Variants in TMEM178B observed in about 807,000 individuals in gnomAD.
The protein encoded by TMEM178B is transmembrane protein 178B.
Under a neutral mutation model 31.0 loss-of-function variants are expected in TMEM178B, and 5 were observed. The ratio of observed to expected loss-of-function variants is 0.16; its 90% CI spans 0.08 to 0.34. The LOEUF (loss-of-function observed/expected upper bound fraction) is 0.34. Among genes scored for constraint, TMEM178B ranks in the 10% least tolerant of loss-of-function variants. TMEM178B has a pLI of 1.00. For missense variants in TMEM178B, 275 were observed against 400.3 expected (o/e 0.69, Z 2.67); for synonymous variants, 164 against 164.0 (o/e 1.00, Z 0.00).
At chr7:141,101,758 A>G (rs2129173899) in intron 1 of TMEM178B, among the ~76,000 whole-genome samples, 1 of 152,310 alleles carries the variant, frequency 6.6e-6, no homozygotes, top group East Asian at 1.9e-4. Context: ...GCCTATTACT[A>G]AAAATTACAT....
chr7:141,411,750 C>T (rs1436727450), intron 2 of TMEM178B, among the ~76,000 whole-genome samples: 2 of 152,184 alleles, frequency 1.3e-5, no homozygotes, highest in East Asian at 1.9e-4. Flanking sequence ...AGCGCAAACT[C>T]GCTAATTGAA....
chr7:141,111,890 A>T (rs1373047600), intron 1 of TMEM178B, among the ~76,000 whole-genome samples: 1 of 152,208 alleles, frequency 6.6e-6, no homozygotes. Context: ...CAATATTTTC[A>T]TTCTGATTAT....
intron 1 of TMEM178B, among the ~76,000 whole-genome samples, chr7:141,134,848 G>GT (rs2129178222): frequency 6.6e-6 from 1 of 152,300 alleles, no homozygotes; most frequent in South Asian, 2.1e-4. Context: ...TGCTGATATG[G>GT]TTTTGTTCTG....
intron 1 of TMEM178B, among the ~76,000 whole-genome samples, chr7:141,111,696 T>C (rs1795237173): frequency 6.6e-6 from 1 of 152,154 alleles, no homozygotes; most frequent in Non-Finnish European, 1.5e-5. Flanking sequence ...TAATTCTGGA[T>C]GAAGAAATAA....
At chr7:141,402,108 G>A (rs1311587615) in intron 2 of TMEM178B, among the ~76,000 whole-genome samples, 3 of 152,136 alleles carry the variant, frequency 2.0e-5, no homozygotes, top group Non-Finnish European at 4.4e-5. Context: ...ACAAAGAAGG[G>A]TGAGCAACAG....
rs112922539 is a variant in TMEM178B, at chr7:141,282,537, G to A, written c.496+69833G>A. Among the ~76,000 whole-genome samples the A allele has an allele frequency of 5.5e-3, 834 of 152,338 alleles. 6 individuals are homozygous for A. The highest frequency in any genetic ancestry group is 0.019 in the African/African-American group (789 of 41,576). Reference sequence around the variant, plus strand: ...TGAAGAACAACTTTGAAGAGGCAATGCCTGATAAATCTGGAATAGGGGAGA... The same window carrying A: ...TGAAGAACAACTTTGAAGAGGCAATACCTGATAAATCTGGAATAGGGGAGA... On this transcript the variant is annotated intron_variant, in intron 2 of 3. Transcript: ENST00000565468.
chr7:141,478,998 T>G lies in TMEM178B; in HGVS notation c.*8212T>G, dbSNP rs1802424129. 6.6e-6 allele frequency: 1 copy of G among 152,280 alleles called. No homozygotes were observed. The highest frequency in any genetic ancestry group is 6.5e-5 in the Admixed American group (1 of 15,290). 9.4% of individuals were successfully genotyped at this position (152,280 alleles called of 1,614,324 possible). A position where few individuals can be genotyped will look rare whatever the true frequency, so the allele number is the denominator to read the frequency against. Reference sequence around the variant, plus strand: ...TGGAAGTTCTGCTTCACCTGCTTAGTAAGAGGAGATGACCACTCCTGTGGA... The same window carrying G: ...TGGAAGTTCTGCTTCACCTGCTTAGGAAGAGGAGATGACCACTCCTGTGGA... On this transcript the variant is annotated 3_prime_UTR_variant, in exon 4 of 4. Coordinates refer to ENST00000565468, the MANE Select transcript of TMEM178B (RefSeq NM_001195278.2).
At chr7:141,156,511 G>A (rs796662103) in intron 1 of TMEM178B, among the ~76,000 whole-genome samples, 6 of 152,250 alleles carry the variant, frequency 3.9e-5, no homozygotes, top group African/African-American at 1.4e-4. Flanking sequence ...ACATTTCTTA[G>A]GTACAAAAGA....
chr7:141,083,179 A>C (rs1794715146), intron 1 of TMEM178B, among the ~76,000 whole-genome samples: 1 of 152,198 alleles, frequency 6.6e-6, no homozygotes, highest in Admixed American at 6.5e-5. Context: ...TTTGTAACTT[A>C]CTACTCCCAA....
At chr7:141,374,794 A>G (rs1800183421) in intron 2 of TMEM178B, among the ~76,000 whole-genome samples, 1 of 152,224 alleles carries the variant, frequency 6.6e-6, no homozygotes, top group African/African-American at 2.4e-5. Context: ...TTTGAACTAA[A>G]TTTGTGAAAA....
chr7:141,471,605 T>C lies in TMEM178B; in HGVS notation c.*819T>C, dbSNP rs1331068893. On this transcript the variant is annotated 3_prime_UTR_variant, in exon 4 of 4. Transcript: ENST00000565468. The surrounding 1 kb of genome is among the most constrained non-coding windows in gnomAD (Gnocchi z 4.1). ...GCATGTGTACTTTGGGCGGTTTCCT[T>C]TTTTTCTTTTCTACCTTTTAAATGG... 1 of 151,928 alleles carries C rather than the reference T, an allele frequency of 6.6e-6. No individual in the cohort carries two copies. The highest frequency in any genetic ancestry group is 1.5e-5 in the Non-Finnish European group (1 of 68,050). 9.4% of individuals were successfully genotyped at this position (151,928 alleles called of 1,614,324 possible).
intron 2 of TMEM178B, among the ~76,000 whole-genome samples, chr7:141,233,815 A>T (rs2129192091): frequency 6.6e-6 from 1 of 152,352 alleles, no homozygotes; most frequent in East Asian, 1.9e-4. Context: ...TTCATTGTGC[A>T]TCTGTCCCTA....
chr7:141,381,092 A>G (rs1446848170), intron 2 of TMEM178B, among the ~76,000 whole-genome samples: 1 of 152,198 alleles, frequency 6.6e-6, no homozygotes. Context: ...ACTGCAGAGG[A>G]GTGAGGTGAG....
At chr7:141,123,979 T>C (rs1356663155) in intron 1 of TMEM178B, among the ~76,000 whole-genome samples, 2 of 152,084 alleles carry the variant, frequency 1.3e-5, no homozygotes, top group African/African-American at 4.8e-5. Context: ...GGTCTCAAAC[T>C]TCTGGGCTTA....
intron 1 of TMEM178B, among the ~76,000 whole-genome samples, chr7:141,081,195 A>G (rs530354725): frequency 1.3e-5 from 2 of 152,110 alleles, no homozygotes; most frequent in Non-Finnish European, 2.9e-5. Context: ...TAAAATGTGG[A>G]GGTGGAAGAC....
intron 2 of TMEM178B, among the ~76,000 whole-genome samples, chr7:141,226,905 T>C (rs1797352815): frequency 6.6e-6 from 1 of 151,898 alleles, no homozygotes; most frequent in African/African-American, 2.4e-5. Context: ...CTAGTTCCGT[T>C]TTGATCCCTC....
intron 2 of TMEM178B, among the ~76,000 whole-genome samples, chr7:141,260,318 TCTC>T (rs1407143882): frequency 1.3e-5 from 2 of 152,346 alleles, no homozygotes; most frequent in East Asian, 3.9e-4. Context: ...GGTGGGAACA[TCTC>T]CTAAGCTAAA....
At chr7:141,233,064 C>G (rs1251188918) in intron 2 of TMEM178B, among the ~76,000 whole-genome samples, 1 of 152,112 alleles carries the variant, frequency 6.6e-6, no homozygotes. Context: ...TGTGGTCATC[C>G]TGGAGAAGTG....
intron 1 of TMEM178B, among the ~76,000 whole-genome samples, chr7:141,145,002 C>T (rs949357786): frequency 6.6e-6 from 1 of 152,156 alleles, no homozygotes; most frequent in Admixed American, 6.5e-5. Flanking sequence ...TCTTTAGTTG[C>T]TATCTGACCT....
Sources: allele counts gnomAD v4.1 joint callset (sites outside exome capture counted in the v4.1 genomes callset), GRCh38; gene constraint gnomAD v4.1.1; non-coding constraint Gnocchi (gnomAD v3.1); transcripts MANE v1.5; gene names NCBI Gene and HGNC (gene_info 2026-07-23, HGNC 2026-07-21).